The following CCDC3 variants were observed in gnomAD, a reference collection of about 807,000 sequenced individuals.
The protein encoded by CCDC3 is coiled-coil domain containing 3.
Under a neutral mutation model 21.4 loss-of-function variants are expected in CCDC3, and 24 were observed. The observed-to-expected ratio is 1.12, with a 90% confidence interval of 0.81 to 1.58. The LOEUF (loss-of-function observed/expected upper bound fraction) is 1.58, where lower values mean the gene tolerates loss of function less well. CCDC3 is among the 40% of genes most tolerant of loss of function. CCDC3 has a pLI of 0.00. For synonymous variants in CCDC3, 186 were observed against 166.0 expected, an observed-to-expected ratio of 1.12 and a Z score of -0.93; for missense variants, 425 against 360.9, an observed-to-expected ratio of 1.18 and a Z score of -1.44.
intron 2 of CCDC3, among the ~76,000 whole-genome samples, chr10:12,906,172 C>A (rs942685774): frequency 2.6e-5 from 4 of 152,164 alleles, no homozygotes; most frequent in African/African-American, 9.7e-5. Context: ...CCCAGAGCTG[C>A]TGAAAAAACT....
chr10:13,024,196 T>C (rs963880888), intron 5 of CCDC3, among the ~76,000 whole-genome samples: 4 of 152,158 alleles, frequency 2.6e-5, no homozygotes, highest in African/African-American at 9.7e-5. Flanking sequence ...TCTTGAGGCA[T>C]CTTTTCATTT....
At chr10:13,027,577 G>A (rs2131408864) in intron 5 of CCDC3, among the ~76,000 whole-genome samples, 1 of 152,118 alleles carries the variant, frequency 6.6e-6, no homozygotes, top group South Asian at 2.1e-4. Flanking sequence ...AGGGCACAGT[G>A]GCTCATGCCT....
intron 5 of CCDC3, among the ~76,000 whole-genome samples, chr10:13,038,142 A>G (rs781700113): frequency 2.0e-5 from 3 of 152,146 alleles, no homozygotes; most frequent in Non-Finnish European, 4.4e-5. Flanking sequence ...TCACTTATAA[A>G]TAGAGCTGAA....
chr10:12,927,856 T>C (rs976651357), intron 2 of CCDC3, among the ~76,000 whole-genome samples: 1 of 152,206 alleles, frequency 6.6e-6, no homozygotes, highest in Non-Finnish European at 1.5e-5. Flanking sequence ...CAGTCTACAT[T>C]TGAAAAGTAC....
intron 2 of CCDC3, among the ~76,000 whole-genome samples, chr10:12,986,870 TTAAGAG>T (rs906351812): frequency 2.0e-5 from 3 of 152,170 alleles, no homozygotes; most frequent in Admixed American, 6.5e-5. Context: ...TTGTCCCTGT[TTAAGAG>T]TAATAACTGT....
rs962546939 is a variant in CCDC3 at position 12,910,956 on chromosome 10, C to T, written c.550-12277G>A. Among the ~76,000 whole-genome samples, 19 of 152,174 alleles carry T rather than the reference C, an allele frequency of 1.2e-4. 1 individual carries two copies. Among genetic ancestry groups the T allele is most frequent in the African/African-American group, 3.4e-4 (14 of 41,436 alleles). On this transcript the variant is annotated intron_variant, in intron 2 of 2. Transcript: ENST00000378825. ...CAGAATCCTCCCCAGTGCATAGTTG[C>T]GGCCAGCCCCTGTGAAATGAATATT... is the stretch of plus-strand genomic sequence containing the variant.
At chr10:12,949,553 G>C (rs781518335) in intron 2 of CCDC3, among the ~76,000 whole-genome samples, 51 of 152,194 alleles carry the variant, frequency 3.4e-4, no homozygotes, top group African/African-American at 1.2e-3. Context: ...ACCTGAGCCA[G>C]TATTACTAGG....
chr10:13,000,200 T>C (rs1002479418), intron 1 of CCDC3, among the ~76,000 whole-genome samples: 1 of 152,212 alleles, frequency 6.6e-6, no homozygotes, highest in African/African-American at 2.4e-5. Flanking sequence ...CAACAGTGGA[T>C]TAATTTACTA....
chr10:13,089,880 C>T (rs925004763), intron 3 of CCDC3, among the ~76,000 whole-genome samples: 4 of 146,216 alleles, frequency 2.7e-5, no homozygotes, highest in East Asian at 4.2e-4. Context: ...GTCATTCTTA[C>T]GCCATTGCAT....
At chr10:12,947,818 C>T (rs947192836) in intron 2 of CCDC3, among the ~76,000 whole-genome samples, 14 of 152,230 alleles carry the variant, frequency 9.2e-5, no homozygotes, top group Non-Finnish European at 2.1e-4. Context: ...TCCTTACCAA[C>T]GGGTCAGGTA....
intron 1 of CCDC3, among the ~76,000 whole-genome samples, chr10:13,000,926 T>C (rs1213478770): frequency 6.6e-6 from 1 of 152,170 alleles, no homozygotes; most frequent in Non-Finnish European, 1.5e-5. Flanking sequence ...GGAGGGCGCT[T>C]TGAGCTTCTG....
chr10:13,067,227 C>T (rs990515264), intron 4 of CCDC3, among the ~76,000 whole-genome samples: 2 of 152,168 alleles, frequency 1.3e-5, no homozygotes, highest in African/African-American at 4.8e-5. Flanking sequence ...GGCCCATGGC[C>T]CAAGGGTGCC....
intron 5 of CCDC3, among the ~76,000 whole-genome samples, chr10:13,024,266 T>C (rs2131406912): frequency 6.6e-6 from 1 of 152,230 alleles, no homozygotes. Context: ...TTTATTAAAA[T>C]TTGTATAGTT....
At chr10:13,041,104 T>TA (rs1264046644) in intron 5 of CCDC3, among the ~76,000 whole-genome samples, 1 of 152,078 alleles carries the variant, frequency 6.6e-6, no homozygotes, top group African/African-American at 2.4e-5. Flanking sequence ...GCCTTTTTAG[T>TA]AAGTGCGCTA....
chr10:13,071,212 A>G lies in CCDC3; in HGVS notation c.-270+2656T>C, dbSNP rs150516788. ...ACCAGTGATCTAGGGGTGTCACAAG[A>G]CATCCTTTTCTCTCCCTGGTTGGAG... On this transcript the variant is annotated intron_variant, in intron 4 of 6. Transcript: ENST00000378839. Among the ~76,000 whole-genome samples the G allele has an allele frequency of 2.7e-3, 415 of 152,252 alleles. 7 individuals are homozygous for G. Among genetic ancestry groups the G allele is most frequent in the African/African-American group, 9.6e-3 (399 of 41,540 alleles).
chr10:13,022,120 A>C (rs1836154720), intron 5 of CCDC3, among the ~76,000 whole-genome samples: 1 of 152,114 alleles, frequency 6.6e-6, no homozygotes, highest in Non-Finnish European at 1.5e-5. Context: ...GAGATGAGGA[A>C]TGACTAAGTT....
At chr10:13,034,410 G>A (rs1159005342) in intron 5 of CCDC3, among the ~76,000 whole-genome samples, 2 of 151,634 alleles carry the variant, frequency 1.3e-5, no homozygotes, top group Admixed American at 6.6e-5. Context: ...GTTAATGGGT[G>A]CAGCACACCA....
chr10:12,919,377 G>A (rs538240134), intron 2 of CCDC3, among the ~76,000 whole-genome samples: 4 of 152,278 alleles, frequency 2.6e-5, no homozygotes, highest in Admixed American at 2.6e-4. Context: ...ATCACTTGAG[G>A]TCAAGAGTTT....
chr10:13,020,711 C>T (rs1163978070), intron 5 of CCDC3, among the ~76,000 whole-genome samples: 1 of 152,100 alleles, frequency 6.6e-6, no homozygotes, highest in Non-Finnish European at 1.5e-5. Context: ...GAAAAATACT[C>T]CACTCAATTG....
Sources: allele counts gnomAD v4.1 joint callset (sites outside exome capture counted in the v4.1 genomes callset), GRCh38; gene constraint gnomAD v4.1.1; transcripts MANE v1.5; gene names NCBI Gene and HGNC (gene_info 2026-07-23, HGNC 2026-07-21).